Variants in WWOX observed in about 807,000 individuals in gnomAD.
WWOX encodes the protein WW domain containing oxidoreductase, also known as WW domain-containing oxidoreductase.
In WWOX, 69 loss-of-function variants were observed where a neutral mutation model predicts 46.2. The ratio of observed to expected loss-of-function variants is 1.49; its 90% CI spans 1.23 to 1.82. WWOX has a LOEUF of 1.82. Among genes scored for constraint, WWOX ranks in the 40% most tolerant of loss-of-function variants. The pLI, the probability that WWOX is intolerant of heterozygous loss-of-function variation, is 0.00. For missense variants in WWOX, 919 were observed against 542.6 expected, an observed-to-expected ratio of 1.69 and a Z score of -6.89; for synonymous variants, 359 against 202.6, an observed-to-expected ratio of 1.77 and a Z score of -6.56.
chr16:79,015,382 T>A (rs533341614), intron 8 of WWOX, among the ~76,000 whole-genome samples: 1 of 152,344 alleles, frequency 6.6e-6, no homozygotes, highest in South Asian at 2.1e-4. Flanking sequence ...TTTCTTGAAC[T>A]CACTTTTCCT....
chr16:78,448,627 C>T (rs145846974), intron 8 of WWOX, among the ~76,000 whole-genome samples: 1 of 152,166 alleles, frequency 6.6e-6, no homozygotes, highest in Non-Finnish European at 1.5e-5. Context: ...GCATGGCTCA[C>T]AAATTCACAA....
At chr16:78,895,720 A>G (rs767529423) in intron 8 of WWOX, 6 of 152,200 alleles carry the variant, frequency 3.9e-5, no homozygotes, top group Non-Finnish European at 7.3e-5. Flanking sequence ...CATTGGTCAA[A>G]TTGATTGAGG....
At chr16:79,119,665 G>T (rs956009292) in intron 8 of WWOX, among the ~76,000 whole-genome samples, 2 of 152,230 alleles carry the variant, frequency 1.3e-5, no homozygotes, top group Admixed American at 1.3e-4. Flanking sequence ...AAGAGAACGG[G>T]ACTGTCCAGC....
At chr16:79,096,667 C>T (rs1024067895) in intron 8 of WWOX, among the ~76,000 whole-genome samples, 1 of 152,200 alleles carries the variant, frequency 6.6e-6, no homozygotes, top group African/African-American at 2.4e-5. Flanking sequence ...AATCCAAGCA[C>T]AATTTCCAGT....
intron 4 of WWOX, among the ~76,000 whole-genome samples, chr16:78,127,925 C>T (rs982665985): frequency 1.3e-5 from 2 of 152,188 alleles, no homozygotes; most frequent in Non-Finnish European, 2.9e-5. Flanking sequence ...ACTTAACCAT[C>T]TGAGCCTTAA....
At chr16:78,664,527 C>T (rs16948270) in intron 8 of WWOX, among the ~76,000 whole-genome samples, 1 of 152,146 alleles carries the variant, frequency 6.6e-6, no homozygotes, top group Non-Finnish European at 1.5e-5. Context: ...AGCAGGGATT[C>T]CAAGCTTGTA....
At chr16:78,365,080 G>A (rs1282964825) in intron 5 of WWOX, among the ~76,000 whole-genome samples, 1 of 152,192 alleles carries the variant, frequency 6.6e-6, no homozygotes, top group Non-Finnish European at 1.5e-5. Context: ...ACTAGTTTAT[G>A]AGCTTAAGTT....
intron 8 of WWOX, among the ~76,000 whole-genome samples, chr16:78,607,702 A>G (rs1388053690): frequency 6.6e-6 from 1 of 151,384 alleles, no homozygotes; most frequent in Admixed American, 6.6e-5. Flanking sequence ...TTAAGAGAAA[A>G]ACTGGAGTAG....
At chr16:78,203,772 G>A (rs547550664) in intron 5 of WWOX, among the ~76,000 whole-genome samples, 22 of 152,284 alleles carry the variant, frequency 1.4e-4, no homozygotes, top group Non-Finnish European at 2.5e-4. Context: ...GGGCAAGCGC[G>A]TGCTAGTTAT....
chr16:78,527,999 T>TTTTTTTTTTTTTTTTTTG, intron 8 of WWOX, among the ~76,000 whole-genome samples: 1 of 76,922 alleles, frequency 1.3e-5, no homozygotes, highest in Non-Finnish European at 2.8e-5. Context: ...TCCTTTTTTT[T>TTTTTTTTTTTTTTTTTTG]TTTTTTTTTT....
At chr16:78,490,597 G>A (rs904722410) in intron 8 of WWOX, among the ~76,000 whole-genome samples, 1 of 152,148 alleles carries the variant, frequency 6.6e-6, no homozygotes, top group African/African-American at 2.4e-5. Flanking sequence ...TTTTGATGTG[G>A]CCCAGAGACC....
At chr16:78,282,724 A>G (rs937428057) in intron 5 of WWOX, among the ~76,000 whole-genome samples, 7 of 151,912 alleles carry the variant, frequency 4.6e-5, no homozygotes, top group African/African-American at 1.7e-4. Context: ...TAAAAATACA[A>G]AAAATTAGCC....
At chr16:78,407,254 C>G (rs1445607712) in intron 6 of WWOX, among the ~76,000 whole-genome samples, 2 of 152,134 alleles carry the variant, frequency 1.3e-5, no homozygotes, top group African/African-American at 4.8e-5. Flanking sequence ...TGGGCCCTTT[C>G]TATTGAATTT....
At chr16:79,081,631 C>G (rs188078521) in intron 8 of WWOX, among the ~76,000 whole-genome samples, 1 of 152,172 alleles carries the variant, frequency 6.6e-6, no homozygotes, top group African/African-American at 2.4e-5. Context: ...CAAGACTTTT[C>G]TCACTGCATT....
At chr16:78,799,747 A>C (rs143759708) in intron 8 of WWOX, among the ~76,000 whole-genome samples, 204 of 152,328 alleles carry the variant, frequency 1.3e-3, no homozygotes, top group African/African-American at 4.6e-3. Flanking sequence ...ACAAATGGAG[A>C]GAGGGGGAAT....
At chr16:78,695,347 C>G (rs1441181948) in intron 8 of WWOX, among the ~76,000 whole-genome samples, 1 of 152,054 alleles carries the variant, frequency 6.6e-6, no homozygotes, top group Non-Finnish European at 1.5e-5. Flanking sequence ...CCATATGTCC[C>G]TCCCTCATTT....
chr16:79,037,043 C>T (rs1267018869), intron 8 of WWOX, among the ~76,000 whole-genome samples: 4 of 152,196 alleles, frequency 2.6e-5, no homozygotes, highest in Admixed American at 2.6e-4. Flanking sequence ...GCTTCTCAGG[C>T]ACTCTGTTAA....
At chr16:78,428,005 T>C (rs1461338091) in intron 7 of WWOX, among the ~76,000 whole-genome samples, 8 of 151,994 alleles carry the variant, frequency 5.3e-5, no homozygotes, top group South Asian at 4.2e-4. Flanking sequence ...GAGGTGGAGA[T>C]TGCAGTGAGT....
chr16:78,428,747 C>T (rs140284391), intron 7 of WWOX, among the ~76,000 whole-genome samples: 138 of 152,264 alleles, frequency 9.1e-4, no homozygotes, highest in African/African-American at 3.1e-3. Context: ...ATAGTGTATA[C>T]CTGTAATACC....
Sources: allele counts gnomAD v4.1 joint callset (sites outside exome capture counted in the v4.1 genomes callset), GRCh38; gene constraint gnomAD v4.1.1; transcripts MANE v1.5; gene names NCBI Gene and HGNC (gene_info 2026-07-23, HGNC 2026-07-21).